Variants in SHISAL1 observed in about 807,000 individuals in gnomAD.
SHISAL1 encodes shisa like 1, also known as protein shisa-like-1.
In SHISAL1, 9 loss-of-function variants were observed where a neutral mutation model predicts 22.6. That is an observed-to-expected ratio of 0.40 (90% confidence interval 0.24 to 0.70). SHISAL1 has a LOEUF of 0.70. Ranked by LOEUF, SHISAL1 falls within the 30% of genes least tolerant of loss-of-function variation. SHISAL1 has a pLI of 0.39. For missense variants in SHISAL1, 246 were observed against 270.6 expected (o/e 0.91, Z 0.64); for synonymous variants, 119 against 115.4 (o/e 1.03, Z -0.20).
At chr22:44,250,030 A>G (rs1227366448) in intron 4 of SHISAL1, among the ~76,000 whole-genome samples, 1 of 152,252 alleles carries the variant, frequency 6.6e-6, no homozygotes, top group Non-Finnish European at 1.5e-5. Context: ...GAGTGCAGAC[A>G]TAGACGTATA....
chr22:44,247,773 A>G lies in SHISAL1; in HGVS notation c.*1912T>C, dbSNP rs1176818900. The G allele has an allele frequency of 6.6e-6, 1 of 152,274 alleles. No individual in the cohort carries two copies. Among genetic ancestry groups the G allele is most frequent in the Non-Finnish European group, 1.5e-5 (1 of 68,106 alleles). The allele number at this position is 152,274 out of a possible 1,614,324, so 9.4% of individuals were successfully genotyped here. ...TAGCAAGTTTGTTCTGCTTTTCCAA[A>G]GGCAGGACATTGTGTTTGCACAGCT... is the stretch of plus-strand genomic sequence containing the variant. On this transcript the variant is annotated 3_prime_UTR_variant, in exon 5 of 5. Transcript: ENST00000381176.
At chr22:44,294,289 G>A (rs570612346) in intron 3 of SHISAL1, among the ~76,000 whole-genome samples, 1 of 152,312 alleles carries the variant, frequency 6.6e-6, no homozygotes, top group Admixed American at 6.5e-5. Context: ...GTGCATTTGA[G>A]GAAGGAAGGA....
In SHISAL1 at chr22:44,269,211, TAC is replaced by T. The variant is rs1279880918; in HGVS notation, c.599+16215_599+16216del. 8.4e-4 allele frequency among the ~76,000 whole-genome samples: 122 copies of T among 145,916 alleles called. 1 individual carries two copies. Among genetic ancestry groups the T allele is most frequent in the African/African-American group, 2.7e-3 (105 of 38,764 alleles). On this transcript the variant is annotated intron_variant, in intron 4 of 4. Transcript: ENST00000381176. ...ATGCCATACAGACCCTCACAATATA[TAC>T]ACACACACCACGCCACACAGACCCT...
At chr22:44,251,513 G>T (rs534107958) in intron 4 of SHISAL1, among the ~76,000 whole-genome samples, 1 of 152,158 alleles carries the variant, frequency 6.6e-6, no homozygotes, top group Non-Finnish European at 1.5e-5. Flanking sequence ...CCATTTTCAC[G>T]CTGCTAATAG....
intron 4 of SHISAL1, among the ~76,000 whole-genome samples, chr22:44,261,101 A>ATATAT (rs1157149336): frequency 7.1e-5 from 9 of 126,746 alleles, no homozygotes; most frequent in African/African-American, 1.1e-4. Flanking sequence ...ATATATATAC[A>ATATAT]CTATATGGAT....
At chr22:44,313,858 T>A (rs1264316662), upstream of SHISAL1, among the ~76,000 whole-genome samples, 1 of 152,146 alleles carries the variant, frequency 6.6e-6, no homozygotes, top group Non-Finnish European at 1.5e-5. Context: ...TAAACCTCCT[T>A]TTTCCATTCC....
intron 4 of SHISAL1, among the ~76,000 whole-genome samples, chr22:44,274,323 G>A (rs910952481): frequency 1.3e-5 from 2 of 152,130 alleles, no homozygotes; most frequent in Non-Finnish European, 2.9e-5. Flanking sequence ...GCCCTCAAAA[G>A]CTGCCTCACT....
chr22:44,300,210 C>T (rs1569224013), intron 2 of SHISAL1, among the ~76,000 whole-genome samples: 1 of 151,748 alleles, frequency 6.6e-6, no homozygotes, highest in Non-Finnish European at 1.5e-5. Flanking sequence ...CAGAGAGAGA[C>T]AGAGACAGAC....
chr22:44,282,008 G>A (rs962282861), intron 4 of SHISAL1, among the ~76,000 whole-genome samples: 1 of 152,248 alleles, frequency 6.6e-6, no homozygotes, highest in African/African-American at 2.4e-5. Flanking sequence ...TATGATTGAT[G>A]GAGTGCGTGT....
intron 3 of SHISAL1, among the ~76,000 whole-genome samples, chr22:44,293,876 TTTACTTTGCA>T (rs2055369166): frequency 6.6e-6 from 1 of 152,246 alleles, no homozygotes; most frequent in African/African-American, 2.4e-5. Context: ...GGGGAAGGCC[TTTACTTTGCA>T]GCCCAACTCT....
chr22:44,257,994 G>A (rs1306140691), intron 4 of SHISAL1, among the ~76,000 whole-genome samples: 1 of 152,176 alleles, frequency 6.6e-6, no homozygotes, highest in Non-Finnish European at 1.5e-5. Flanking sequence ...ACAAAAATAA[G>A]CTGGGCATGG....
the SHISAL1 span, among the ~76,000 whole-genome samples, chr22:44,329,083 G>A: frequency 6.6e-6 from 1 of 152,214 alleles, no homozygotes; most frequent in African/African-American, 2.4e-5. Context: ...ACCCCCAGGA[G>A]CTCCCCACTG....
At chr22:44,328,245 A>C in the SHISAL1 span, among the ~76,000 whole-genome samples, 23,510 of 152,112 alleles carry the variant, frequency 0.15, 2,050 homozygotes, top group South Asian at 0.22. Context: ...GCCACCCCTC[A>C]CTAGGTGGTA....
upstream of SHISAL1, among the ~76,000 whole-genome samples, chr22:44,313,248 C>T (rs2055533299): frequency 6.6e-6 from 1 of 152,258 alleles, no homozygotes; most frequent in Non-Finnish European, 1.5e-5. Flanking sequence ...AGATGCTTGG[C>T]ACAATACATG....
intron 2 of SHISAL1, among the ~76,000 whole-genome samples, chr22:44,300,420 C>T (rs1311989603): frequency 1.3e-5 from 2 of 152,194 alleles, no homozygotes; most frequent in Admixed American, 1.3e-4. Flanking sequence ...CAGGAGCCCA[C>T]CTGCGACCTC....
chr22:44,287,529 G>A (rs562422483), intron 3 of SHISAL1, among the ~76,000 whole-genome samples: 9 of 152,258 alleles, frequency 5.9e-5, no homozygotes, highest in East Asian at 3.9e-4. Flanking sequence ...GTCACTGTGC[G>A]TCCTTGCTGC....
intron 4 of SHISAL1, among the ~76,000 whole-genome samples, chr22:44,261,948 C>T (rs2055127491): frequency 6.6e-6 from 1 of 152,156 alleles, no homozygotes; most frequent in African/African-American, 2.4e-5. Flanking sequence ...CACACTAGGC[C>T]TTCCATAAGC....
chr22:44,247,508 AGGTTCTCCCACTTTG>A lies in SHISAL1; in HGVS notation c.*2162_*2176del, dbSNP rs1281577215. On this transcript the variant is annotated 3_prime_UTR_variant, in exon 5 of 5. Coordinates refer to ENST00000381176, the MANE Select transcript of SHISAL1 (RefSeq NM_001099294.2). Reference sequence around the variant, plus strand: ...TTTCTCCAATCGAGACCCCAAGCAGAGGTTCTCCCACTTTGCCAAGCCATATGCCTGGACACTGGC... The same window carrying A: ...TTTCTCCAATCGAGACCCCAAGCAGACCAAGCCATATGCCTGGACACTGGC... The A allele has an allele frequency of 1.3e-5, 2 of 152,418 alleles. No individual in the cohort carries two copies. The highest frequency in any genetic ancestry group is 4.8e-5 in the African/African-American group (2 of 41,462). The allele number at this position is 152,418 out of a possible 1,614,324, so 9.4% of individuals were successfully genotyped here.
chr22:44,248,863 CTG>C lies in SHISAL1; in HGVS notation c.*820_*821del, dbSNP rs1173770143. The stretch of plus-strand genomic sequence containing the variant: ...TTTGGGTTCCGGCACCGCTTCCCCA[CTG>C]TGAGTTTTTCTGCAGGGGGTTAATC... On this transcript the variant is annotated 3_prime_UTR_variant, in exon 5 of 5. Coordinates refer to ENST00000381176, the MANE Select transcript of SHISAL1 (RefSeq NM_001099294.2). The C allele has an allele frequency of 6.6e-6, 1 of 152,202 alleles. No homozygotes were observed. Among genetic ancestry groups the C allele is most frequent in the Non-Finnish European group, 1.5e-5 (1 of 68,052 alleles). 9.4% of individuals were successfully genotyped at this position (152,202 alleles called of 1,614,324 possible).
Sources: gnomAD v4.1 joint callset for allele counts (sites outside exome capture counted in the v4.1 genomes callset) on GRCh38, gnomAD v4.1.1 for gene constraint, MANE v1.5 for transcripts, NCBI Gene and HGNC (gene_info 2026-07-23, HGNC 2026-07-21) for gene names.